GRIN2B: variants seen among roughly 807,000 people sequenced by gnomAD.
The protein encoded by GRIN2B is glutamate ionotropic receptor NMDA type subunit 2B.
GRIN2B carries 5 observed loss-of-function variants against 114.5 expected under a neutral mutation model. The ratio of observed to expected loss-of-function variants is 0.04; its 90% CI spans 0.02 to 0.09. The LOEUF (loss-of-function observed/expected upper bound fraction) is 0.09, where lower values mean the gene tolerates loss of function less well. Among genes scored for constraint, GRIN2B ranks in the 10% least tolerant of loss-of-function variants. The pLI, the probability that GRIN2B is intolerant of heterozygous loss-of-function variation, is 1.00. For synonymous variants in GRIN2B, 787 were observed against 745.1 expected (o/e 1.06, Z -0.92); for missense variants, 1,108 against 1,943.5 (o/e 0.57, Z 8.08).
intron 3 of GRIN2B, among the ~76,000 whole-genome samples, chr12:13,764,018 C>T (rs1433980532): frequency 6.6e-6 from 1 of 151,962 alleles, no homozygotes; most frequent in African/African-American, 2.4e-5. Context: ...TCTAACTTTC[C>T]TGGGAATAGA....
intron 5 of GRIN2B, among the ~76,000 whole-genome samples, chr12:13,656,862 T>C (rs1476236195): frequency 6.6e-6 from 1 of 152,214 alleles, no homozygotes; most frequent in Non-Finnish European, 1.5e-5. Context: ...CCAACCCTCT[T>C]GTTTTATAGA....
intron 10 of GRIN2B, among the ~76,000 whole-genome samples, chr12:13,587,370 GT>G (rs1273273423): frequency 1.3e-5 from 1 of 77,828 alleles, no homozygotes; most frequent in Non-Finnish European, 2.8e-5. Flanking sequence ...TATTGTTTTT[GT>G]TTTTGAGATA....
chr12:13,722,731 A>C (rs1862903442), intron 4 of GRIN2B, among the ~76,000 whole-genome samples: 1 of 152,030 alleles, frequency 6.6e-6, no homozygotes, highest in South Asian at 2.1e-4. Context: ...TGCTGGGCTG[A>C]CTCGAGTGAC....
chr12:13,727,509 A>G (rs930849899), intron 4 of GRIN2B, among the ~76,000 whole-genome samples: 1 of 152,196 alleles, frequency 6.6e-6, no homozygotes, highest in East Asian at 1.9e-4. Context: ...CTCTTCCCTC[A>G]TTAGATGTGA....
At chr12:13,703,978 G>T (rs1388158970) in intron 4 of GRIN2B, among the ~76,000 whole-genome samples, 1 of 152,204 alleles carries the variant, frequency 6.6e-6, no homozygotes, top group Non-Finnish European at 1.5e-5. Flanking sequence ...CATCAAAAGA[G>T]AGGAAGAGGC....
intron 2 of GRIN2B, among the ~76,000 whole-genome samples, chr12:13,977,730 T>C (rs911040368): frequency 6.6e-6 from 1 of 152,110 alleles, no homozygotes; most frequent in African/African-American, 2.4e-5. Context: ...AGTCACAGCC[T>C]CACAGAGACT....
intron 3 of GRIN2B, among the ~76,000 whole-genome samples, chr12:13,848,662 C>G (rs1354024032): frequency 6.6e-6 from 1 of 152,148 alleles, no homozygotes; most frequent in African/African-American, 2.4e-5. Context: ...CCTTTTCAAG[C>G]CCTAATGCTT....
chr12:13,862,062 C>G (rs948869427), intron 3 of GRIN2B, among the ~76,000 whole-genome samples: 1 of 152,164 alleles, frequency 6.6e-6, no homozygotes, highest in African/African-American at 2.4e-5. Context: ...GGAAGTGATG[C>G]CCGAATCCAG....
At chr12:13,894,104 C>T (rs900015616) in intron 2 of GRIN2B, among the ~76,000 whole-genome samples, 3 of 152,034 alleles carry the variant, frequency 2.0e-5, no homozygotes, top group Non-Finnish European at 4.4e-5. Flanking sequence ...AAACACAGCA[C>T]TCTCACATAT....
chr12:13,608,607 T>C lies in GRIN2B; in HGVS notation c.2006A>G (p.Lys669Arg). 1 of 1,610,328 alleles carries C rather than the reference T, an allele frequency of 6.2e-7. No individual in the cohort carries two copies. Among genetic ancestry groups the C allele is most frequent in the Non-Finnish European group, 8.5e-7 (1 of 1,176,538 alleles). The change falls in exon 10 of 14, where the codon AAA becomes AGA. Residue 669 changes from lysine (K) to arginine (R), a missense_variant. This residue lies in a region of GRIN2B where 10 missense variants were observed against 17.4 expected (regional missense o/e 0.57). Coordinates refer to ENST00000609686, the MANE Select transcript of GRIN2B (RefSeq NM_000834.5). ...YVDQVSGLSDKKFQRPNDFSP... is the reference protein window; with the variant it reads ...YVDQVSGLSDRKFQRPNDFSP... ...GATTTCAAATGAGTCTCTTACCTTT[T>C]TGTCGCTCAGGCCAGAAACCTGGTC...
intron 3 of GRIN2B, among the ~76,000 whole-genome samples, chr12:13,826,823 T>C (rs1591754127): frequency 1.3e-5 from 2 of 152,144 alleles, no homozygotes; most frequent in African/African-American, 4.8e-5. Context: ...CATTTTGTAG[T>C]TCTAAGTTTA....
intron 10 of GRIN2B, among the ~76,000 whole-genome samples, chr12:13,607,888 A>C (rs1309000727): frequency 6.6e-6 from 1 of 152,164 alleles, no homozygotes; most frequent in Non-Finnish European, 1.5e-5. Context: ...TAGTTTCAGG[A>C]GACAGATCTC....
chr12:13,579,414 C>A (rs780488891), intron 10 of GRIN2B, among the ~76,000 whole-genome samples: 6 of 152,228 alleles, frequency 3.9e-5, no homozygotes, highest in Non-Finnish European at 8.8e-5. Flanking sequence ...ACTCACTTAA[C>A]TTATCTGTGC....
intron 2 of GRIN2B, among the ~76,000 whole-genome samples, chr12:13,951,860 A>G (rs1056677695): frequency 1.3e-5 from 2 of 152,210 alleles, no homozygotes; most frequent in Non-Finnish European, 2.9e-5. Flanking sequence ...TCACAGGAAG[A>G]AGGGGATAAA....
chr12:13,808,762 T>TATATATAA (rs1301073622), intron 3 of GRIN2B, among the ~76,000 whole-genome samples: 4 of 146,158 alleles, frequency 2.7e-5, no homozygotes, highest in Non-Finnish European at 6.0e-5. Context: ...AATATATATA[T>TATATATAA]ATATATATAC....
chr12:13,868,357 GA>G (rs1865857672), intron 2 of GRIN2B, among the ~76,000 whole-genome samples: 1 of 151,922 alleles, frequency 6.6e-6, no homozygotes, highest in African/African-American at 2.4e-5. Context: ...CCTCCTCCCA[GA>G]ACTTAAAGGA....
rs73053625 is a variant in GRIN2B, at chr12:13,747,644, G to A, written c.1010+5673C>T. On this transcript the variant is annotated intron_variant, in intron 4 of 13. Transcript: ENST00000609686. ...AGACTCTGGTGCACTTCTTTAATAAGATGAAAAGCCACTGTGCCAGCTATA... is the reference window on the plus strand; with the variant it reads ...AGACTCTGGTGCACTTCTTTAATAAAATGAAAAGCCACTGTGCCAGCTATA... Among the ~76,000 whole-genome samples the A allele has an allele frequency of 7.7e-3, 1,172 of 152,260 alleles. 11 individuals are homozygous for A. The highest frequency in any genetic ancestry group is 0.012 in the South Asian group (60 of 4,810).
In GRIN2B at chr12:13,598,270, C is replaced by A. The variant is rs77206039; in HGVS notation, c.2010+10333G>T. Among the ~76,000 whole-genome samples, 346 of 152,344 alleles carry A rather than the reference C, an allele frequency of 2.3e-3. 4 individuals carry two copies. The East Asian group carries it at 0.03, about 13-fold the overall frequency. On this transcript the variant is annotated intron_variant, in intron 10 of 13. Coordinates refer to ENST00000609686, the MANE Select transcript of GRIN2B (RefSeq NM_000834.5). ...CCACTGGACAGCACCCCTCCTGACT[C>A]TATCTGTTGCAGTTGCCTTATCTTG...
Position 13,561,880 on chromosome 12 carries a change from G to A in GRIN2B, c.*903C>T, listed in dbSNP as rs1418221303. Reference sequence around the variant, plus strand: ...ATTTTCATTCTCCTTATTCCAGAAGGATGAAGGGAGACACAGCCAAAATTC... The same window carrying A: ...ATTTTCATTCTCCTTATTCCAGAAGAATGAAGGGAGACACAGCCAAAATTC... On this transcript the variant is annotated 3_prime_UTR_variant, in exon 14 of 14. Transcript: ENST00000609686. 2 of 152,650 alleles carry A rather than the reference G, an allele frequency of 1.3e-5. No homozygotes were observed. The highest frequency in any genetic ancestry group is 1.3e-4 in the Admixed American group (2 of 15,280). The allele number at this position is 152,650 out of a possible 1,614,324, so 9.5% of individuals were successfully genotyped here.
Sources: gnomAD v4.1 joint callset for allele counts (sites outside exome capture counted in the v4.1 genomes callset) on GRCh38, gnomAD v4.1.1 for gene constraint, gnomAD v4.1.1 regional missense constraint, MANE v1.5 for transcripts, NCBI Gene and HGNC (gene_info 2026-07-23, HGNC 2026-07-21) for gene names.